The following GPHN variants were observed in gnomAD, a reference collection of about 807,000 sequenced individuals.
The protein encoded by GPHN is gephyrin.
GPHN carries 17 observed loss-of-function variants against 95.5 expected under a neutral mutation model. The ratio of observed to expected loss-of-function variants is 0.18; its 90% confidence interval spans 0.12 to 0.27. The LOEUF (loss-of-function observed/expected upper bound fraction) is 0.27, where lower values mean the gene tolerates loss of function less well. Among genes scored for constraint, GPHN ranks in the 10% least tolerant of loss-of-function variants. The probability of loss-of-function intolerance (pLI) is 1.00; values close to 1 mark genes in which losing one functional copy is unlikely to be tolerated. For missense variants in GPHN, 660 were observed against 978.1 expected, an observed-to-expected ratio of 0.67 and a Z score of 4.34; for synonymous variants, 320 against 322.5, an observed-to-expected ratio of 0.99 and a Z score of 0.08.
At chr14:67,303,465 C>G in the GPHN span, 1 of 1,347,926 alleles carries the variant, frequency 7.4e-7, no homozygotes, top group Non-Finnish European at 1.1e-6. Context: ...ATCATAAAAT[C>G]ATGGAATGAT....
the GPHN span, among the ~76,000 whole-genome samples, chr14:67,326,407 A>G: frequency 3.1e-3 from 468 of 151,676 alleles, 3 homozygotes; most frequent in Non-Finnish European, 5.0e-3. Context: ...GAAGTTGATC[A>G]GTACCAAAAT....
intron 4 of GPHN, among the ~76,000 whole-genome samples, chr14:66,825,388 C>G (rs2061352420): frequency 1.3e-5 from 2 of 152,112 alleles, no homozygotes; most frequent in African/African-American, 4.8e-5. Flanking sequence ...TATTAACATT[C>G]CACAAGGTAC....
At chr14:67,490,899 G>A in the GPHN span, among the ~76,000 whole-genome samples, 6 of 152,266 alleles carry the variant, frequency 3.9e-5, no homozygotes, top group South Asian at 1.2e-3. Context: ...GGGCGTGGAG[G>A]GGGGCAGATA....
chr14:67,252,751 T>C, the GPHN span, among the ~76,000 whole-genome samples: 1 of 152,216 alleles, frequency 6.6e-6, no homozygotes, highest in Non-Finnish European at 1.5e-5. Flanking sequence ...ACATAGTAGA[T>C]GCTTGGTTTC....
chr14:67,651,682 GAGAC>G, the GPHN span: 2 of 446,660 alleles, frequency 4.5e-6, no homozygotes, highest in Non-Finnish European at 7.7e-6. Context: ...ATGTTAAACT[GAGAC>G]AATAAAAACC....
chr14:66,747,051 A>T (rs10148469), intron 2 of GPHN, among the ~76,000 whole-genome samples: 1 of 151,934 alleles, frequency 6.6e-6, no homozygotes, highest in Admixed American at 6.6e-5. Flanking sequence ...CCTGGACCTC[A>T]CTCACACCAC....
the GPHN span, among the ~76,000 whole-genome samples, chr14:67,427,774 C>T: frequency 6.6e-6 from 1 of 152,158 alleles, no homozygotes; most frequent in Admixed American, 6.5e-5. Context: ...TAAGCTTAGT[C>T]TCCTCAGGCC....
chr14:66,632,578 C>T (rs1348503340), intron 1 of GPHN, among the ~76,000 whole-genome samples: 2 of 151,066 alleles, frequency 1.3e-5, no homozygotes, highest in African/African-American at 4.9e-5. Context: ...CTGCAACCTC[C>T]TCCTCCCAGG....
At chr14:67,441,051 AC>A in the GPHN span, among the ~76,000 whole-genome samples, 2 of 152,228 alleles carry the variant, frequency 1.3e-5, no homozygotes, top group African/African-American at 4.8e-5. Context: ...CGGAGCATCA[AC>A]TTTTCCTTAA....
chr14:66,667,512 A>C (rs1204534081), intron 1 of GPHN, among the ~76,000 whole-genome samples: 1 of 152,194 alleles, frequency 6.6e-6, no homozygotes, highest in Non-Finnish European at 1.5e-5. Context: ...ATGTACAACT[A>C]TCTGATCTTG....
chr14:67,098,412 T>C (rs2077507507), intron 12 of GPHN, among the ~76,000 whole-genome samples: 1 of 152,156 alleles, frequency 6.6e-6, no homozygotes, highest in Non-Finnish European at 1.5e-5. Flanking sequence ...GTTTAGTAAT[T>C]TTGCTGAGAG....
At chr14:66,903,597 A>G (rs1338844737) in intron 5 of GPHN, among the ~76,000 whole-genome samples, 1 of 152,114 alleles carries the variant, frequency 6.6e-6, no homozygotes, top group Non-Finnish European at 1.5e-5. Flanking sequence ...TTATCCATTC[A>G]GGCACTCTAT....
intron 10 of GPHN, among the ~76,000 whole-genome samples, chr14:67,047,467 G>C (rs1250637484): frequency 6.6e-6 from 1 of 150,606 alleles, no homozygotes; most frequent in Non-Finnish European, 1.5e-5. Flanking sequence ...CCGGATTCAA[G>C]GAATTCTCGT....
intron 11 of GPHN, among the ~76,000 whole-genome samples, chr14:67,073,806 G>C (rs2076397023): frequency 6.6e-6 from 1 of 152,094 alleles, no homozygotes; most frequent in African/African-American, 2.4e-5. Flanking sequence ...ATGGAAAAAA[G>C]TGCACAACAC....
In GPHN at chr14:66,692,472, T is replaced by C. The variant is rs560943754; in HGVS notation, c.143+11287T>C. 5.9e-5 allele frequency among the ~76,000 whole-genome samples: 9 copies of C among 152,326 alleles called. No homozygotes were observed. In the South Asian group the frequency reaches 1.0e-3, roughly 18 times the overall value. ...GTTAAATATCTGCAGATACACTATCTGTAGATTCTCTAGTAGTAGGCCTGG... is the reference window on the plus strand; with the variant it reads ...GTTAAATATCTGCAGATACACTATCCGTAGATTCTCTAGTAGTAGGCCTGG... On this transcript the variant is annotated intron_variant, in intron 2 of 22. Coordinates refer to ENST00000478722, the MANE Select transcript of GPHN (RefSeq NM_020806.5).
At chr14:67,300,364 A>G in the GPHN span, among the ~76,000 whole-genome samples, 1 of 124,106 alleles carries the variant, frequency 8.1e-6, no homozygotes, top group African/African-American at 3.9e-5. Flanking sequence ...GTCTCATTCC[A>G]TCATCCAGGC....
At chr14:67,314,076 T>C in the GPHN span, among the ~76,000 whole-genome samples, 1 of 152,168 alleles carries the variant, frequency 6.6e-6, no homozygotes, top group African/African-American at 2.4e-5. Flanking sequence ...ATCTACAACC[T>C]TTTTTAGCGA....
chr14:66,567,065 A>G (rs1263634455), intron 1 of GPHN, among the ~76,000 whole-genome samples: 1 of 152,222 alleles, frequency 6.6e-6, no homozygotes, highest in African/African-American at 2.4e-5. Flanking sequence ...AAGAGAAGGA[A>G]TTACCATCTT....
At chr14:67,286,781 T>G in the GPHN span, among the ~76,000 whole-genome samples, 1 of 143,396 alleles carries the variant, frequency 7.0e-6, no homozygotes, top group Non-Finnish European at 1.5e-5. Context: ...CGCTGGAACC[T>G]GAGAAGTTGA....
Sources: gnomAD v4.1 joint callset for allele counts (sites outside exome capture counted in the v4.1 genomes callset) on GRCh38, gnomAD v4.1.1 for gene constraint, MANE v1.5 for transcripts, NCBI Gene and HGNC (gene_info 2026-07-23, HGNC 2026-07-21) for gene names.